Variants in RBBP5 observed in about 807,000 individuals in gnomAD.
RBBP5 encodes the protein retinoblastoma-binding protein 5.
A neutral mutation model predicts 72.2 loss-of-function variants in RBBP5; 5 were observed. The observed-to-expected ratio is 0.07, with a 90% confidence interval of 0.04 to 0.15. RBBP5 has a LOEUF of 0.15. Ranked by LOEUF, RBBP5 falls within the 10% of genes least tolerant of loss-of-function variation. The pLI is 1.00. For missense variants in RBBP5, 322 were observed against 652.2 expected (o/e 0.49, Z 5.51); for synonymous variants, 209 against 237.2 (o/e 0.88, Z 1.09).
intron 12 of RBBP5, among the ~76,000 whole-genome samples, chr1:205,096,442 G>A (rs554962356): frequency 5.3e-5 from 8 of 152,266 alleles, no homozygotes; most frequent in South Asian, 2.1e-4. Flanking sequence ...ACTCTGAGCC[G>A]GCTGTCAGAA....
intron 3 of RBBP5, among the ~76,000 whole-genome samples, chr1:205,108,838 AT>A (rs770334416): frequency 5.3e-5 from 8 of 152,214 alleles, no homozygotes; most frequent in Non-Finnish European, 1.2e-4. Flanking sequence ...TAACACAGGA[AT>A]AAAAACGGTA....
In RBBP5 at chr1:205,088,816, C is replaced by A; in HGVS notation, c.1589-1G>T. 6.3e-7 allele frequency: 1 copy of A among 1,579,626 alleles called. No individual in the cohort carries two copies. Among genetic ancestry groups the A allele is most frequent in the Non-Finnish European group, 8.6e-7 (1 of 1,164,722 alleles). On this transcript the variant is annotated splice_acceptor_variant, in intron 13 of 13. Transcript: ENST00000264515. LOFTEE classifies it high-confidence loss of function. The stretch of plus-strand genomic sequence containing the variant: ...AACAGTTCTGAGATTGCTCCTCCTG[C>A]TAAAGAGATTAGACACAAAAAGATT...
At chr1:205,102,495 AG>A (rs1655873522) in intron 5 of RBBP5, among the ~76,000 whole-genome samples, 1 of 152,150 alleles carries the variant, frequency 6.6e-6, no homozygotes, top group African/African-American at 2.4e-5. Context: ...GGGTGTTTCT[AG>A]GGGCTGGCGG....
intron 3 of RBBP5, among the ~76,000 whole-genome samples, chr1:205,111,470 C>T (rs1656313336): frequency 6.6e-6 from 1 of 152,204 alleles, no homozygotes. Context: ...CTCAAACTCA[C>T]CACTTCCCCC....
chr1:205,118,498 A>G (rs1656614852), intron 1 of RBBP5, among the ~76,000 whole-genome samples: 1 of 152,124 alleles, frequency 6.6e-6, no homozygotes, highest in Non-Finnish European at 1.5e-5. Context: ...CTGTAATCCC[A>G]GCTACTTGGG....
At position 205,103,821 on chromosome 1, in the gene RBBP5, G is replaced by A. The variant is rs753812242; in HGVS notation, c.522+36C>T. On this transcript the variant is annotated intron_variant, in intron 5 of 13. Transcript: ENST00000264515. ...ACAAGTAAACATTAAATGAGCCAGT[G>A]TACAAGATGCCTGATTTGCCAGCTT... 7 of 1,599,430 alleles carry A rather than the reference G, an allele frequency of 4.4e-6. No individual in the cohort carries two copies. In the South Asian group the frequency reaches 5.5e-5, roughly 13 times the overall value.
chr1:205,111,022 C>T (rs987843115), intron 3 of RBBP5, among the ~76,000 whole-genome samples: 2 of 152,134 alleles, frequency 1.3e-5, no homozygotes, highest in African/African-American at 4.8e-5. Context: ...CGAGATCGTG[C>T]CACTGCACTC....
chr1:205,115,720 CCTT>C, intron 2 of RBBP5, 135 bp downstream of exon 2: 1 of 1,147,770 alleles, frequency 8.7e-7, no homozygotes, highest in Non-Finnish European at 1.2e-6. Flanking sequence ...TACACTAGCT[CCTT>C]ATTATAGCAT....
At chr1:205,117,018 GT>G (rs201260616) in intron 1 of RBBP5, among the ~76,000 whole-genome samples, 1 of 150,736 alleles carries the variant, frequency 6.6e-6, no homozygotes, top group African/African-American at 2.4e-5. Flanking sequence ...GTTTTTTTGG[GT>G]TTTTTTTTGT....
intron 3 of RBBP5, among the ~76,000 whole-genome samples, chr1:205,109,809 C>T (rs1176104672): frequency 1.3e-5 from 2 of 151,984 alleles, no homozygotes; most frequent in African/African-American, 4.8e-5. Flanking sequence ...TTACTGATTC[C>T]AATGTGCTAA....
intron 3 of RBBP5, 89 bp from the exon 4 acceptor site, chr1:205,105,257 G>A: frequency 2.8e-6 from 4 of 1,427,282 alleles, no homozygotes; most frequent in South Asian, 1.2e-5. Context: ...ACACATTGCT[G>A]CAACTGCACA....
At chr1:205,107,924 T>G (rs1391275488) in intron 3 of RBBP5, among the ~76,000 whole-genome samples, 1 of 112,810 alleles carries the variant, frequency 8.9e-6, no homozygotes, top group Non-Finnish European at 1.8e-5. Flanking sequence ...CCAGCCTGGG[T>G]AACAAGAGCA....
chr1:205,110,199 T>C (rs1656258981), intron 3 of RBBP5, among the ~76,000 whole-genome samples: 1 of 152,064 alleles, frequency 6.6e-6, no homozygotes, highest in Admixed American at 6.6e-5. Flanking sequence ...TTTGTATTTT[T>C]AGTAGAGACG....
chr1:205,117,024 T>G (rs113841818), intron 1 of RBBP5, among the ~76,000 whole-genome samples: 1 of 152,220 alleles, frequency 6.6e-6, no homozygotes, highest in South Asian at 2.1e-4. Context: ...TTGGGTTTTT[T>G]TTTGTTTTTC....
intron 3 of RBBP5, among the ~76,000 whole-genome samples, chr1:205,113,133 A>G (rs1488921354): frequency 6.6e-6 from 1 of 152,184 alleles, no homozygotes; most frequent in Non-Finnish European, 1.5e-5. Context: ...AGCAACAACA[A>G]CAAAAATCTA....
intron 11 of RBBP5, 148 bp downstream of exon 11, chr1:205,097,178 A>G: frequency 1.2e-6 from 1 of 801,570 alleles, no homozygotes; most frequent in East Asian, 2.7e-5. Context: ...AAGAAAGGCT[A>G]CATTGGATTT....
intron 1 of RBBP5, among the ~76,000 whole-genome samples, chr1:205,120,599 C>T (rs1309096529): frequency 6.6e-6 from 1 of 152,024 alleles, no homozygotes; most frequent in Non-Finnish European, 1.5e-5. Flanking sequence ...CTGGCCAACA[C>T]AGTGAAACCC....
intron 3 of RBBP5, among the ~76,000 whole-genome samples, chr1:205,109,584 A>G (rs372732806): frequency 6.7e-6 from 1 of 149,284 alleles, no homozygotes; most frequent in Non-Finnish European, 1.5e-5. Context: ...TAAAAAAAAA[A>G]AGAAAAAAAA....
Position 205,116,354 on chromosome 1 carries a change from G to A in RBBP5, c.20-471C>T, listed in dbSNP as rs769007772. ...CTTCTAAATTGGTAAACACTGGTAGGTAGATATCACCTACATAAACAAAAA... is the reference window on the plus strand; with the variant it reads ...CTTCTAAATTGGTAAACACTGGTAGATAGATATCACCTACATAAACAAAAA... On this transcript the variant is annotated intron_variant, in intron 1 of 13. Coordinates refer to ENST00000264515, the MANE Select transcript of RBBP5 (RefSeq NM_005057.4). 44 of 365,642 alleles carry A rather than the reference G, an allele frequency of 1.2e-4. 2 individuals carry two copies. In the Middle Eastern group the frequency reaches 0.011, roughly 91 times the overall value. The allele number at this position is 365,642 out of a possible 1,614,324, so 22.6% of individuals were successfully genotyped here.
Sources: gnomAD v4.1 joint callset for allele counts (sites outside exome capture counted in the v4.1 genomes callset) on GRCh38, gnomAD v4.1.1 for gene constraint, MANE v1.5 for transcripts, NCBI Gene and HGNC (gene_info 2026-07-23, HGNC 2026-07-21) for gene names.